STAT4: variants seen among roughly 807,000 people sequenced by gnomAD.
STAT4 encodes the protein signal transducer and activator of transcription 4.
Under a neutral mutation model 110.5 loss-of-function variants are expected in STAT4, and 42 were observed. The ratio of observed to expected loss-of-function variants is 0.38; its 90% CI spans 0.30 to 0.49. The LOEUF is 0.49. Among genes scored for constraint, STAT4 ranks in the 20% least tolerant of loss-of-function variants. The pLI is 0.95. For synonymous variants in STAT4, 284 were observed against 302.2 expected (o/e 0.94, Z 0.63); for missense variants, 632 against 887.9 (o/e 0.71, Z 3.66).
intron 3 of STAT4, among the ~76,000 whole-genome samples, chr2:191,133,502 T>TACA (rs1699098925): frequency 6.6e-6 from 1 of 151,616 alleles, no homozygotes; most frequent in Non-Finnish European, 1.5e-5. Context: ...GCAGTAGTAA[T>TACA]TCCACCTTCC....
chr2:191,070,327 A>G (rs749611237), intron 5 of STAT4, among the ~76,000 whole-genome samples: 1 of 152,164 alleles, frequency 6.6e-6, no homozygotes, highest in Non-Finnish European at 1.5e-5. Flanking sequence ...GTTCAGATAT[A>G]ATAGTAAATG....
Position 191,135,161 on chromosome 2 carries a change from A to G in STAT4, c.273+11452T>C, listed in dbSNP as rs1055600090. ...ATAAAATCAATAAACAACTTGCTAG[A>G]CTAACCATAAAAAAGAGAGATGACC... On this transcript the variant is annotated intron_variant, in intron 3 of 23. Transcript: ENST00000392320. The surrounding 1 kb of genome is among the most constrained non-coding windows in gnomAD (Gnocchi z 4.8). 1.3e-5 allele frequency among the ~76,000 whole-genome samples: 2 copies of G among 152,160 alleles called. No homozygotes were observed. Among genetic ancestry groups the G allele is most frequent in the Non-Finnish European group, 2.9e-5 (2 of 68,022 alleles).
Position 191,053,017 on chromosome 2 carries a change from A to G in STAT4, c.1251+1473T>C, listed in dbSNP as rs1696576887. On this transcript the variant is annotated intron_variant, in intron 14 of 23. Transcript: ENST00000392320. The surrounding 1 kb of genome is among the most constrained non-coding windows in gnomAD (Gnocchi z 4.5). Reference sequence around the variant, plus strand: ...GTGAGGCTATGATGTTTGGCAAATGATCTTTAAGACACAATTAAGGGAATG... The same window carrying G: ...GTGAGGCTATGATGTTTGGCAAATGGTCTTTAAGACACAATTAAGGGAATG... Among the ~76,000 whole-genome samples the G allele has an allele frequency of 6.6e-6, 1 of 152,184 alleles. No individual in the cohort carries two copies. Among genetic ancestry groups the G allele is most frequent in the Admixed American group, 6.5e-5 (1 of 15,282 alleles).
rs1283290907 is a variant in STAT4 at position 191,035,909 on chromosome 2, C to A, written c.1570+255G>T. Among the ~76,000 whole-genome samples the A allele has an allele frequency of 6.6e-6, 1 of 152,190 alleles. No individual in the cohort carries two copies. Among genetic ancestry groups the A allele is most frequent in the Non-Finnish European group, 1.5e-5 (1 of 68,030 alleles). On this transcript the variant is annotated intron_variant, in intron 17 of 23. Coordinates refer to ENST00000392320, the MANE Select transcript of STAT4 (RefSeq NM_003151.4). The surrounding 1 kb of genome is among the most constrained non-coding windows in gnomAD (Gnocchi z 4.7). ...TTGGTGCTGCTGTGTACTAGCCATG[C>A]AGCCGTGGCAAGTCACTTGACTTCT...
intron 3 of STAT4, among the ~76,000 whole-genome samples, chr2:191,108,175 C>T (rs1342505942): frequency 6.6e-6 from 1 of 151,658 alleles, no homozygotes; most frequent in African/African-American, 2.4e-5. Context: ...TCTGTAATCC[C>T]AGCTACTTGG....
intron 14 of STAT4, among the ~76,000 whole-genome samples, chr2:191,045,647 G>T (rs567480093): frequency 1.3e-5 from 2 of 152,310 alleles, no homozygotes; most frequent in East Asian, 3.9e-4. Context: ...AATAAAAACA[G>T]TCTAATGTGA....
Position 191,101,500 on chromosome 2 carries a change from G to C in STAT4, c.274-25175C>G, listed in dbSNP as rs181769141. On this transcript the variant is annotated intron_variant, in intron 3 of 23. Transcript: ENST00000392320. The stretch of plus-strand genomic sequence containing the variant: ...ATAAGCCAACAATATTTTAGCCCTA[G>C]TCTAATTTAATAAATTATCCACTGT... 2.6e-3 allele frequency among the ~76,000 whole-genome samples: 401 copies of C among 152,158 alleles called. 2 individuals are homozygous for C. Among genetic ancestry groups the C allele is most frequent in the African/African-American group, 9.6e-3 (398 of 41,514 alleles).
intron 3 of STAT4, among the ~76,000 whole-genome samples, chr2:191,079,815 T>C (rs903526132): frequency 2.6e-5 from 4 of 152,132 alleles, no homozygotes; most frequent in Non-Finnish European, 5.9e-5. Context: ...ATGACTTCAA[T>C]CATTTTAAAT....
intron 14 of STAT4, among the ~76,000 whole-genome samples, chr2:191,054,143 A>G (rs1696607208): frequency 7.0e-6 from 1 of 143,092 alleles, no homozygotes; most frequent in Admixed American, 6.9e-5. Flanking sequence ...AAAAAAAAAA[A>G]GAAAGAAAAA....
In STAT4 at chr2:191,031,089, G is replaced by T. The variant is rs1352688874; in HGVS notation, c.2112-9C>A. 1 of 1,612,952 alleles carries T rather than the reference G, an allele frequency of 6.2e-7. No individual in the cohort carries two copies. Among genetic ancestry groups the T allele is most frequent in the East Asian group, 2.2e-5 (1 of 44,870 alleles). Reference sequence around the variant, plus strand: ...CTGTTGAATCACTTCGGCTTAAAGAGATAACAAGGTCAATATGGACAAGGA... The same window carrying T: ...CTGTTGAATCACTTCGGCTTAAAGATATAACAAGGTCAATATGGACAAGGA... On this transcript the variant is annotated splice_polypyrimidine_tract_variant and intron_variant, in intron 22 of 23. Transcript: ENST00000392320. This position sits in a 1 kb window ranked among gnomAD's most constrained non-coding sequence, Gnocchi z 4.8.
At position 191,032,301 on chromosome 2, in the gene STAT4, G is replaced by C. The variant is rs1166260988; in HGVS notation, c.2044+657C>G. On this transcript the variant is annotated intron_variant, in intron 21 of 23. Coordinates refer to ENST00000392320, the MANE Select transcript of STAT4 (RefSeq NM_003151.4). The surrounding 1 kb of genome is among the most constrained non-coding windows in gnomAD (Gnocchi z 4.9). Reference sequence around the variant, plus strand: ...TGTATACACTTTCATTAAAGAAACAGAATGGTGAACGTACCTTAAAATTGC... The same window carrying C: ...TGTATACACTTTCATTAAAGAAACACAATGGTGAACGTACCTTAAAATTGC... The C allele has an allele frequency of 1.3e-5, 2 of 152,198 alleles. No homozygotes were observed. Among genetic ancestry groups the C allele is most frequent in the East Asian group, 3.8e-4 (2 of 5,202 alleles). 9.4% of individuals were successfully genotyped at this position (152,198 alleles called of 1,614,324 possible).
chr2:191,149,869 T>A (rs1057045153), intron 1 of STAT4, among the ~76,000 whole-genome samples: 3 of 152,236 alleles, frequency 2.0e-5, no homozygotes, highest in African/African-American at 7.2e-5. Context: ...ATGATTTGGA[T>A]GAAAAATCTA....
In STAT4 at chr2:191,117,758, C is replaced by T. The variant is rs1319121572; in HGVS notation, c.273+28855G>A. ...ACCATTGCTTATTTTTCTTCCGATG[C>T]CTGGATGCATCCCTCCTTTGTGAAC... On this transcript the variant is annotated intron_variant, in intron 3 of 23. Coordinates refer to ENST00000392320, the MANE Select transcript of STAT4 (RefSeq NM_003151.4). This position sits in a 1 kb window ranked among gnomAD's most constrained non-coding sequence, Gnocchi z 5.2. 6.6e-6 allele frequency among the ~76,000 whole-genome samples: 1 copy of T among 152,134 alleles called. No individual in the cohort carries two copies. Among genetic ancestry groups the T allele is most frequent in the Non-Finnish European group, 1.5e-5 (1 of 68,032 alleles).
At position 191,037,549 on chromosome 2, in the gene STAT4, G is replaced by A. The variant is rs1574696952; in HGVS notation, c.1435-1250C>T. On this transcript the variant is annotated intron_variant, in intron 16 of 23. Transcript: ENST00000392320. This position sits in a 1 kb window ranked among gnomAD's most constrained non-coding sequence, Gnocchi z 4.8. ...ACATAAGACTCTGTCCCAGATTACT[G>A]GAAAACAGATGTGTGAAACTCAAGA... Among the ~76,000 whole-genome samples the A allele has an allele frequency of 6.6e-6, 1 of 152,236 alleles. No individual in the cohort carries two copies.
intron 3 of STAT4, among the ~76,000 whole-genome samples, chr2:191,100,579 T>C (rs1698124460): frequency 6.6e-6 from 1 of 152,154 alleles, no homozygotes; most frequent in African/African-American, 2.4e-5. Context: ...CATCAGAGCC[T>C]TTTCTGCTTA....
intron 4 of STAT4, among the ~76,000 whole-genome samples, chr2:191,074,156 A>T (rs868860401): frequency 1.6e-4 from 24 of 152,228 alleles, no homozygotes; most frequent in African/African-American, 5.3e-4. Context: ...CTCCAAGCAG[A>T]ACGTCTTAGC....
Position 191,033,502 on chromosome 2 carries a change from G to T in STAT4, c.1840C>A (p.His614Asn). ...AGTGAGTATATACCACTTTCAGAAT[G>T]GTCCACCCAGGTGAAAGTTATTCCT... ...LGGITFTWVDHSESGEVRFHS... is the reference protein window; with the variant it reads ...LGGITFTWVDNSESGEVRFHS... Residue 614 changes from histidine (H) to asparagine (N), a missense_variant, in exon 20 of 24, where the codon CAT (histidine) becomes AAT (asparagine). His to Asn is a moderately conservative substitution (Grantham distance 68). Around this residue, in one of 4 missense-constraint regions of STAT4, gnomAD observed 74 missense variants for 154.3 expected, o/e 0.48. Transcript: ENST00000392320. This position sits in a 1 kb window ranked among gnomAD's most constrained non-coding sequence, Gnocchi z 6.9. 2.5e-6 allele frequency: 4 copies of T among 1,612,762 alleles called. No individual in the cohort carries two copies. Among genetic ancestry groups the T allele is most frequent in the Non-Finnish European group, 3.4e-6 (4 of 1,179,656 alleles).
At chr2:191,049,484 G>A (rs1696460188) in intron 14 of STAT4, among the ~76,000 whole-genome samples, 1 of 152,060 alleles carries the variant, frequency 6.6e-6, no homozygotes, top group African/African-American at 2.4e-5. Context: ...CCAACAAATG[G>A]TAATAGCTTT....
intron 3 of STAT4, among the ~76,000 whole-genome samples, chr2:191,134,685 G>C (rs906817098): frequency 6.6e-6 from 1 of 152,132 alleles, no homozygotes; most frequent in African/African-American, 2.4e-5. Context: ...AGGACAAAAG[G>C]CAAGTCTCAA....
Sources: gnomAD v4.1 joint callset for allele counts (sites outside exome capture counted in the v4.1 genomes callset) on GRCh38, gnomAD v4.1.1 for gene constraint, gnomAD v4.1.1 regional missense constraint, Gnocchi (gnomAD v3.1) non-coding constraint, MANE v1.5 for transcripts, NCBI Gene and HGNC (gene_info 2026-07-23, HGNC 2026-07-21) for gene names.